Variants in METAP1 observed in about 807,000 individuals in gnomAD.
METAP1 encodes the protein methionyl aminopeptidase 1, also known as methionine aminopeptidase 1.
In METAP1, 28 loss-of-function variants were observed where a neutral mutation model predicts 53.8. The observed-to-expected ratio is 0.52, with a 90% CI of 0.39 to 0.71. METAP1 has a LOEUF of 0.71. Among genes scored for constraint, METAP1 ranks in the 30% least tolerant of loss-of-function variants. METAP1 has a pLI of 0.00. For missense variants in METAP1, 389 were observed against 479.8 expected (o/e 0.81, Z 1.77); for synonymous variants, 181 against 165.7 (o/e 1.09, Z -0.71).
chr4:99,020,542 T>TGAG (rs1023831320), intron 1 of METAP1, among the ~76,000 whole-genome samples: 1 of 152,054 alleles, frequency 6.6e-6, no homozygotes, highest in African/African-American at 2.4e-5. Context: ...AACTGCTGCC[T>TGAG]GAGGAGGAGG....
At chr4:99,047,189 T>G (rs1406417325) in intron 8 of METAP1, among the ~76,000 whole-genome samples, 2 of 152,170 alleles carry the variant, frequency 1.3e-5, no homozygotes, top group Non-Finnish European at 2.9e-5. Context: ...TAAGTAGGGT[T>G]TCTTAGTCTA....
intron 2 of METAP1, among the ~76,000 whole-genome samples, chr4:99,029,958 A>G (rs1261606962): frequency 6.6e-6 from 1 of 152,096 alleles, no homozygotes; most frequent in Non-Finnish European, 1.5e-5. Flanking sequence ...AAATGATGTG[A>G]CTCAGTGTAA....
chr4:99,048,097 A>T (rs909426778), intron 8 of METAP1, among the ~76,000 whole-genome samples: 1 of 152,150 alleles, frequency 6.6e-6, no homozygotes, highest in African/African-American at 2.4e-5. Context: ...AGAATGGAAC[A>T]CTTGGCCTTA....
chr4:99,035,159 T>C (rs1013560495), intron 3 of METAP1, among the ~76,000 whole-genome samples: 6 of 152,232 alleles, frequency 3.9e-5, no homozygotes, highest in Non-Finnish European at 7.3e-5. Flanking sequence ...TGTCTTGTTA[T>C]TAGTCTCTGT....
chr4:99,010,706 T>C (rs1418862119), intron 1 of METAP1, among the ~76,000 whole-genome samples: 2 of 152,220 alleles, frequency 1.3e-5, no homozygotes, highest in Non-Finnish European at 2.9e-5. Flanking sequence ...TTCTGCAAAA[T>C]ATGCCATTGG....
chr4:99,024,042 CA>C (rs1347987952), intron 1 of METAP1, among the ~76,000 whole-genome samples: 7 of 152,202 alleles, frequency 4.6e-5, no homozygotes, highest in African/African-American at 1.7e-4. Context: ...ATGAAATCTA[CA>C]AGCCCACAGC....
chr4:99,007,056 C>G (rs1429223908), intron 1 of METAP1, among the ~76,000 whole-genome samples: 2 of 151,676 alleles, frequency 1.3e-5, no homozygotes, highest in Non-Finnish European at 2.9e-5. Context: ...CTCCTGAGCT[C>G]AAGTGATGCT....
At chr4:99,037,749 A>G (rs574898277) in intron 4 of METAP1, 1 of 151,908 alleles carries the variant, frequency 6.6e-6, no homozygotes, top group Non-Finnish European at 1.5e-5. Flanking sequence ...TGTTGCCCCT[A>G]CCTTTCCTCT....
At chr4:99,014,008 C>T (rs958178111) in intron 1 of METAP1, among the ~76,000 whole-genome samples, 2 of 152,170 alleles carry the variant, frequency 1.3e-5, no homozygotes, top group African/African-American at 4.8e-5. Context: ...ATAAAAGCAA[C>T]CTTTCCGAAT....
At chr4:99,060,360 C>CTTTTT (rs35135230) in intron 10 of METAP1, among the ~76,000 whole-genome samples, 14 of 103,644 alleles carry the variant, frequency 1.4e-4, no homozygotes, top group Admixed American at 2.5e-4. Context: ...TAAGCACATG[C>CTTTTT]TTTTTTTTTT....
At chr4:99,033,812 A>G (rs1725231926) in intron 2 of METAP1, among the ~76,000 whole-genome samples, 1 of 152,228 alleles carries the variant, frequency 6.6e-6, no homozygotes, top group African/African-American at 2.4e-5. Context: ...TAGTAAGAAC[A>G]TAATTTATTT....
chr4:99,056,710 C>CA (rs1359686858), intron 9 of METAP1, among the ~76,000 whole-genome samples: 4 of 151,980 alleles, frequency 2.6e-5, no homozygotes, highest in African/African-American at 9.7e-5. Context: ...GCTGGGACTA[C>CA]AGGCCCCCGC....
At chr4:99,022,885 C>G in intron 1 of METAP1, 8 of 1,523,008 alleles carry the variant, frequency 5.3e-6, no homozygotes, top group Non-Finnish European at 7.1e-6. Context: ...TTGCATCTCA[C>G]AAACCAGTCC....
At chr4:99,043,677 T>C (rs1726028808) in intron 7 of METAP1, among the ~76,000 whole-genome samples, 1 of 152,150 alleles carries the variant, frequency 6.6e-6, no homozygotes, top group African/African-American at 2.4e-5. Context: ...TGGAGTCTAG[T>C]TTTTTTCCCC....
chr4:99,039,292 T>G (rs1053399096), intron 4 of METAP1, 82 bp from the exon 5 acceptor site: 1 of 789,610 alleles, frequency 1.3e-6, no homozygotes, highest in African/African-American at 1.7e-5. Flanking sequence ...CTACTGTTTT[T>G]ATGCCACAGG....
At chr4:99,048,974 T>A in intron 9 of METAP1, 98 bp downstream of exon 9, 1 of 1,364,292 alleles carries the variant, frequency 7.3e-7, no homozygotes, top group Non-Finnish European at 1.0e-6. Context: ...TTCACTAGAG[T>A]AATCTCTTAG....
chr4:99,024,115 T>C (rs761191325), intron 1 of METAP1, among the ~76,000 whole-genome samples: 12 of 152,348 alleles, frequency 7.9e-5, no homozygotes, highest in African/African-American at 2.2e-4. Context: ...GGTTATGTTA[T>C]CTACAGATTC....
Position 99,034,315 on chromosome 4 carries a change from T to G in METAP1, c.252T>G (p.Thr84=). The change falls in exon 3 of 11, where the codon ACT becomes ACG. Residue 84 remains threonine, a synonymous_variant. Transcript: ENST00000296411. The stretch of plus-strand genomic sequence containing the variant: ...ACCCATGGGCAGGTTATCGATATAC[T>G]GGTAAACTCAGACCACATTATCCAC... ...NTDPWAGYRY[T]GKLRPHYPLM... is the part of the protein sequence containing the mutation. 1 of 1,544,342 alleles carries G rather than the reference T, an allele frequency of 6.5e-7. No homozygotes were observed. Among genetic ancestry groups the G allele is most frequent in the Non-Finnish European group, 8.8e-7 (1 of 1,140,446 alleles).
chr4:99,049,952 CTG>C (rs1473332209), intron 9 of METAP1, among the ~76,000 whole-genome samples: 1 of 152,182 alleles, frequency 6.6e-6, no homozygotes, highest in Non-Finnish European at 1.5e-5. Context: ...TAAAGCAACT[CTG>C]TGCTTACAGA....
Sources: allele counts gnomAD v4.1 joint callset (sites outside exome capture counted in the v4.1 genomes callset), GRCh38; gene constraint gnomAD v4.1.1; transcripts MANE v1.5; gene names NCBI Gene and HGNC (gene_info 2026-07-23, HGNC 2026-07-21).